The following DLGAP2 variants were observed in gnomAD, a reference collection of about 807,000 sequenced individuals.
DLGAP2 encodes the protein DLG associated protein 2, also known as disks large-associated protein 2.
A neutral mutation model predicts 100.3 loss-of-function variants in DLGAP2; 26 were observed. The ratio of observed to expected loss-of-function variants is 0.26; its 90% CI spans 0.19 to 0.36. The LOEUF is 0.36. Among genes scored for constraint, DLGAP2 ranks in the 10% least tolerant of loss-of-function variants. The pLI, the probability that DLGAP2 is intolerant of heterozygous loss-of-function variation, is 1.00. For synonymous variants in DLGAP2, 886 were observed against 630.1 expected, an observed-to-expected ratio of 1.41 and a Z score of -6.08; for missense variants, 1,858 against 1,453.2, an observed-to-expected ratio of 1.28 and a Z score of -4.53.
At chr8:1,082,353 G>T (rs1047738435) in intron 2 of DLGAP2, among the ~76,000 whole-genome samples, 1 of 151,930 alleles carries the variant, frequency 6.6e-6, no homozygotes, top group Non-Finnish European at 1.5e-5. Flanking sequence ...CCATTTCTAC[G>T]TTTTCTTTAT....
intron 2 of DLGAP2, among the ~76,000 whole-genome samples, chr8:989,966 C>A (rs1439420157): frequency 6.6e-6 from 1 of 152,086 alleles, no homozygotes; most frequent in Non-Finnish European, 1.5e-5. Flanking sequence ...GTTCGATGAG[C>A]TCTGAGGAAC....
At chr8:1,313,221 G>A (rs376439907) in intron 3 of DLGAP2, among the ~76,000 whole-genome samples, 1 of 152,200 alleles carries the variant, frequency 6.6e-6, no homozygotes, top group African/African-American at 2.4e-5. Flanking sequence ...CTGTAAAGAG[G>A]GGTGCAGCGT....
At chr8:839,462 T>C (rs1168229446) in intron 1 of DLGAP2, among the ~76,000 whole-genome samples, 2 of 152,186 alleles carry the variant, frequency 1.3e-5, no homozygotes, top group Admixed American at 1.3e-4. Flanking sequence ...CTGAGCGAAA[T>C]AAGCCAGGCG....
At chr8:1,255,733 C>G (rs1370780496) in intron 2 of DLGAP2, among the ~76,000 whole-genome samples, 1 of 145,588 alleles carries the variant, frequency 6.9e-6, no homozygotes, top group Non-Finnish European at 1.5e-5. Context: ...TCCTCTCCTG[C>G]CCGAGCACTG....
chr8:1,466,866 T>TTTCTTCTAC (rs1798641418), intron 3 of DLGAP2, among the ~76,000 whole-genome samples: 1 of 152,182 alleles, frequency 6.6e-6, no homozygotes, highest in Non-Finnish European at 1.5e-5. Flanking sequence ...CTTTTCTTTC[T>TTTCTTCTAC]TTTTTCTACT....
intron 3 of DLGAP2, among the ~76,000 whole-genome samples, chr8:1,464,271 ACCCTTCCAGGACAACG>A (rs1563164813): frequency 0.011 from 623 of 54,660 alleles, 7 homozygotes; most frequent in East Asian, 0.03. Context: ...CCAGGACGGC[ACCCTTCCAGGACAACG>A]CCCTTCCAGG....
rs541985751 is a variant in DLGAP2, at chr8:1,581,749, T to A, written c.1442+15855T>A. On this transcript the variant is annotated intron_variant, in intron 6 of 14. Transcript: ENST00000637795. ...GGATACAGATAAAACCCCACACACA[T>A]ACACACACCACAGTCAAACTACCAC... Among the ~76,000 whole-genome samples, 10 of 148,814 alleles carry A rather than the reference T, an allele frequency of 6.7e-5. No individual in the cohort carries two copies. The South Asian group carries it at 1.3e-3, about 19-fold the overall frequency.
At chr8:921,335 G>A (rs1447713623) in intron 2 of DLGAP2, among the ~76,000 whole-genome samples, 1 of 152,102 alleles carries the variant, frequency 6.6e-6, no homozygotes, top group Non-Finnish European at 1.5e-5. Flanking sequence ...GCGTGTCTAT[G>A]GCCATTTCTG....
intron 2 of DLGAP2, among the ~76,000 whole-genome samples, chr8:1,213,655 G>C (rs1242351177): frequency 6.6e-6 from 1 of 152,094 alleles, no homozygotes; most frequent in East Asian, 1.9e-4. Flanking sequence ...CTTTCTCTGG[G>C]CTCTGATCCA....
In DLGAP2 at chr8:1,544,113, G is replaced by C. The variant is rs149901526; in HGVS notation, c.173-4513G>C. On this transcript the variant is annotated intron_variant, in intron 4 of 14. Coordinates refer to ENST00000637795, the MANE Select transcript of DLGAP2 (RefSeq NM_001346810.2). ...AAGACAGGGTTTGCCATGTTGTCCA[G>C]GCTGGTCTCAAACTCCTGGGCTGAA... Among the ~76,000 whole-genome samples, 706 of 152,138 alleles carry C rather than the reference G, an allele frequency of 4.6e-3. 8 individuals carry two copies. The highest frequency in any genetic ancestry group is 0.016 in the African/African-American group (657 of 41,504).
chr8:1,383,127 A>G (rs923557626), intron 3 of DLGAP2, among the ~76,000 whole-genome samples: 4 of 152,238 alleles, frequency 2.6e-5, no homozygotes, highest in African/African-American at 9.6e-5. Context: ...CATTGCAGGG[A>G]TCATCCCCTT....
chr8:1,187,772 C>G (rs1024783974), intron 2 of DLGAP2, among the ~76,000 whole-genome samples: 1 of 142,058 alleles, frequency 7.0e-6, no homozygotes, highest in African/African-American at 3.0e-5. Flanking sequence ...ATCTCACACG[C>G]CCGGGACCTC....
intron 3 of DLGAP2, among the ~76,000 whole-genome samples, chr8:1,326,156 G>C (rs139925113): frequency 6.6e-6 from 1 of 152,160 alleles, no homozygotes; most frequent in African/African-American, 2.4e-5. Context: ...ATGCTATTTT[G>C]AATAAAGATT....
At chr8:1,157,814 C>T (rs1796819575) in intron 2 of DLGAP2, among the ~76,000 whole-genome samples, 1 of 152,206 alleles carries the variant, frequency 6.6e-6, no homozygotes, top group South Asian at 2.1e-4. Context: ...CGGAGGGAGG[C>T]GATGAGGGCA....
intron 3 of DLGAP2, among the ~76,000 whole-genome samples, chr8:1,341,648 G>A (rs1428759483): frequency 6.6e-6 from 1 of 152,170 alleles, no homozygotes; most frequent in African/African-American, 2.4e-5. Context: ...GAACTTGTGG[G>A]CTGTCTTGAC....
chr8:1,204,602 C>T (rs1182798860), intron 2 of DLGAP2, among the ~76,000 whole-genome samples: 2 of 151,962 alleles, frequency 1.3e-5, no homozygotes, highest in Admixed American at 6.6e-5. Flanking sequence ...ATTTTGAGGC[C>T]TGAAGGACAG....
At chr8:994,525 C>G (rs1426380734) in intron 2 of DLGAP2, among the ~76,000 whole-genome samples, 1 of 152,180 alleles carries the variant, frequency 6.6e-6, no homozygotes, top group Non-Finnish European at 1.5e-5. Flanking sequence ...ACGGTTGTCT[C>G]TGGGAGTTTT....
chr8:1,088,635 C>G (rs1351386198), intron 2 of DLGAP2, among the ~76,000 whole-genome samples: 2 of 152,026 alleles, frequency 1.3e-5, no homozygotes, highest in Non-Finnish European at 2.9e-5. Flanking sequence ...TACTTGCTCC[C>G]ACCACCCCAC....
intron 1 of DLGAP2, among the ~76,000 whole-genome samples, chr8:866,969 T>G (rs1344218918): frequency 6.6e-6 from 1 of 152,104 alleles, no homozygotes; most frequent in Non-Finnish European, 1.5e-5. Flanking sequence ...GCTCACTGCC[T>G]TGTGCTGGGG....
Sources: gnomAD v4.1 joint callset for allele counts (sites outside exome capture counted in the v4.1 genomes callset) on GRCh38, gnomAD v4.1.1 for gene constraint, MANE v1.5 for transcripts, NCBI Gene and HGNC (gene_info 2026-07-23, HGNC 2026-07-21) for gene names.